Variants in STK39 observed in about 807,000 individuals in gnomAD.
STK39 encodes STE20/SPS1-related proline-alanine-rich protein kinase.
STK39 carries 20 observed loss-of-function variants against 77.8 expected under a neutral mutation model. The observed-to-expected ratio is 0.26, with a 90% CI of 0.18 to 0.37. The LOEUF is 0.37. STK39 is among the 10% of genes least tolerant of loss of function. STK39 has a pLI of 1.00. For synonymous variants in STK39, 246 were observed against 234.1 expected (o/e 1.05, Z -0.47); for missense variants, 479 against 656.5 (o/e 0.73, Z 2.95).
chr2:168,132,393 G>T (rs898175917), intron 8 of STK39, among the ~76,000 whole-genome samples: 1 of 151,576 alleles, frequency 6.6e-6, no homozygotes, highest in Non-Finnish European at 1.5e-5. Context: ...TCGCAAATTA[G>T]CGTCTTAAAA....
chr2:168,178,946 G>C (rs1689016628), intron 2 of STK39, among the ~76,000 whole-genome samples: 1 of 152,164 alleles, frequency 6.6e-6, no homozygotes, highest in African/African-American at 2.4e-5. Context: ...AAGGGAGTGG[G>C]GACAGGACGG....
chr2:168,083,110 C>T (rs1686279818), intron 10 of STK39, among the ~76,000 whole-genome samples: 1 of 152,188 alleles, frequency 6.6e-6, no homozygotes, highest in Non-Finnish European at 1.5e-5. Context: ...ATATTTTCTA[C>T]CACATCTCTT....
chr2:168,112,377 G>C (rs529992470), intron 10 of STK39, among the ~76,000 whole-genome samples: 6 of 152,172 alleles, frequency 3.9e-5, no homozygotes, highest in South Asian at 4.2e-4. Flanking sequence ...GGGCTGGTTG[G>C]GGGTGATTGG....
intron 1 of STK39, among the ~76,000 whole-genome samples, chr2:168,204,952 T>A (rs1689703848): frequency 6.6e-6 from 1 of 152,194 alleles, no homozygotes; most frequent in Non-Finnish European, 1.5e-5. Flanking sequence ...CCAAAAACAA[T>A]TAAGAAGGCA....
intron 16 of STK39, among the ~76,000 whole-genome samples, chr2:167,983,226 TC>T (rs1683468253): frequency 6.6e-6 from 1 of 152,042 alleles, no homozygotes; most frequent in Non-Finnish European, 1.5e-5. Context: ...GTGACTGTAA[TC>T]CCAGCACTTT....
At chr2:167,977,133 T>C (rs1683297926) in intron 16 of STK39, among the ~76,000 whole-genome samples, 1 of 152,214 alleles carries the variant, frequency 6.6e-6, no homozygotes, top group African/African-American at 2.4e-5. Context: ...TTGGTCCTAG[T>C]GCAAATGTCT....
chr2:168,167,429 A>G, intron 2 of STK39, 22 bp from the exon 3 acceptor site: 4 of 1,605,168 alleles, frequency 2.5e-6, no homozygotes, highest in Non-Finnish European at 3.4e-6. Flanking sequence ...GCAAAACATG[A>G]CATAGTACCA....
intron 1 of STK39, among the ~76,000 whole-genome samples, chr2:168,201,256 G>A (rs971590047): frequency 6.6e-6 from 1 of 152,108 alleles, no homozygotes; most frequent in Non-Finnish European, 1.5e-5. Flanking sequence ...ATTTAAATTC[G>A]CAGCCCACGC....
intron 1 of STK39, among the ~76,000 whole-genome samples, chr2:168,213,788 C>T (rs6751410): frequency 0.51 from 77,335 of 151,656 alleles, 20,651 homozygotes; most frequent in Admixed American, 0.59. Context: ...ATGTTTTTAG[C>T]TTATTTTCCT....
intron 16 of STK39, among the ~76,000 whole-genome samples, chr2:167,986,142 A>T (rs965334315): frequency 6.6e-6 from 1 of 152,214 alleles, no homozygotes; most frequent in African/African-American, 2.4e-5. Flanking sequence ...GGAAGCAGAG[A>T]CAATCTTAAA....
At position 168,015,065 on chromosome 2, in the gene STK39, TGTAA is replaced by T. The variant is rs1684371787; in HGVS notation, c.1429+1974_1429+1977del. On this transcript the variant is annotated intron_variant, in intron 15 of 17. Transcript: ENST00000355999. ...CCATTAGGCAATTATTTTGTATGCATGTAAGTAAGATACTAGTAATAGTTTAGAA... is the reference window on the plus strand; with the variant it reads ...CCATTAGGCAATTATTTTGTATGCATGTAAGATACTAGTAATAGTTTAGAA... Among the ~76,000 whole-genome samples, 4 of 152,228 alleles carry T rather than the reference TGTAA, an allele frequency of 2.6e-5. No individual in the cohort carries two copies. The South Asian group carries it at 8.3e-4, about 31-fold the overall frequency.
chr2:168,153,941 A>C (rs923361370), intron 5 of STK39, among the ~76,000 whole-genome samples: 1 of 152,248 alleles, frequency 6.6e-6, no homozygotes. Context: ...ATACAAGTCA[A>C]CTTAGTTTAA....
At chr2:168,231,485 T>G (rs1446415023) in intron 1 of STK39, among the ~76,000 whole-genome samples, 1 of 151,912 alleles carries the variant, frequency 6.6e-6, no homozygotes, top group Non-Finnish European at 1.5e-5. Flanking sequence ...TCTGATAGCT[T>G]CCCACCACAC....
At chr2:167,969,110 GGT>G (rs1336163371) in intron 16 of STK39, among the ~76,000 whole-genome samples, 1 of 152,148 alleles carries the variant, frequency 6.6e-6, no homozygotes, top group Non-Finnish European at 1.5e-5. Context: ...AGATATTAAT[GGT>G]GCCTCACTGA....
intron 1 of STK39, among the ~76,000 whole-genome samples, chr2:168,242,757 A>T (rs1201409208): frequency 6.6e-6 from 1 of 150,422 alleles, no homozygotes; most frequent in African/African-American, 2.4e-5. Flanking sequence ...GGCAGGCATG[A>T]TGGTTTGCAC....
intron 4 of STK39, among the ~76,000 whole-genome samples, chr2:168,163,041 AAAG>A (rs1688615114): frequency 6.6e-6 from 1 of 152,126 alleles, no homozygotes; most frequent in African/African-American, 2.4e-5. Flanking sequence ...AAAAAAAGAA[AAAG>A]AAAAATATAG....
rs1691767629 is a variant in STK39 at position 167,956,516 on chromosome 2, A to G, written c.1564-946T>C. On this transcript the variant is annotated intron_variant, in intron 17 of 17. Coordinates refer to ENST00000355999, the MANE Select transcript of STK39 (RefSeq NM_013233.3). ...GAGGCAGAGGTTGCAGTGAGCCGAG[A>G]TCGTGCCACTGCACTCCAGCCTGGC... 2.0e-5 allele frequency among the ~76,000 whole-genome samples: 3 copies of G among 151,184 alleles called. No individual in the cohort carries two copies. The South Asian group carries it at 6.3e-4, about 32-fold the overall frequency.
At chr2:168,218,601 G>C (rs1044200234) in intron 1 of STK39, among the ~76,000 whole-genome samples, 1 of 152,162 alleles carries the variant, frequency 6.6e-6, no homozygotes, top group African/African-American at 2.4e-5. Flanking sequence ...GATTTTGTCT[G>C]AGTAAAAAGG....
chr2:168,025,057 C>G (rs1236828233), intron 14 of STK39, among the ~76,000 whole-genome samples: 1 of 152,172 alleles, frequency 6.6e-6, no homozygotes. Context: ...GTAATACCAC[C>G]TCCTTCTGGT....
Sources: gnomAD v4.1 joint callset for allele counts (sites outside exome capture counted in the v4.1 genomes callset) on GRCh38, gnomAD v4.1.1 for gene constraint, MANE v1.5 for transcripts, NCBI Gene and HGNC (gene_info 2026-07-23, HGNC 2026-07-21) for gene names.